The following TCF3 variants were observed in gnomAD, a reference collection of about 807,000 sequenced individuals.
TCF3 encodes transcription factor E2-alpha.
In TCF3, 54 loss-of-function variants were observed where a neutral mutation model predicts 72.3. That is an observed-to-expected ratio of 0.75 (90% CI 0.60 to 0.94). The LOEUF is 0.94. Ranked by LOEUF, TCF3 falls within the 40% of genes least tolerant of loss-of-function variation. The pLI is 0.00. For synonymous variants in TCF3, 525 were observed against 412.6 expected (o/e 1.27, Z -3.30); for missense variants, 1,078 against 934.4 (o/e 1.15, Z -2.00).
chr19:1,617,284 C>A (rs1025073897), intron 16 of TCF3, among the ~76,000 whole-genome samples: 2 of 152,208 alleles, frequency 1.3e-5, no homozygotes, highest in Admixed American at 6.5e-5. Context: ...GCCCCACGCC[C>A]GGGCCAGGGC....
At chr19:1,625,272 G>A (rs770741098) in intron 7 of TCF3, among the ~76,000 whole-genome samples, 14 of 152,214 alleles carry the variant, frequency 9.2e-5, no homozygotes, top group Non-Finnish European at 1.9e-4. Context: ...GAGGAGCCAC[G>A]ATGCAGCCCC....
intron 1 of TCF3, chr19:1,651,168 G>C (rs1264910436): frequency 4.3e-6 from 1 of 231,372 alleles, no homozygotes; most frequent in African/African-American, 2.2e-5. Context: ...TCCACCCCCA[G>C]AAAAAGGTAC....
chr19:1,621,239 C>G, intron 11 of TCF3, 48 bp from the exon 12 acceptor site: 3 of 1,518,202 alleles, frequency 2.0e-6, no homozygotes, highest in Non-Finnish European at 1.8e-6. Flanking sequence ...CTGGGTGCTG[C>G]CGCCGACGGC....
intron 3 of TCF3, among the ~76,000 whole-genome samples, chr19:1,643,047 T>G (rs983280466): frequency 2.0e-5 from 3 of 152,178 alleles, no homozygotes; most frequent in African/African-American, 7.2e-5. Context: ...CCTCAGAGCC[T>G]GTCTGTCTTG....
Position 1,638,570 on chromosome 19 carries a change from G to T in TCF3, c.146-6165C>A, listed in dbSNP as rs569611908. Among the ~76,000 whole-genome samples, 5 of 152,300 alleles carry T rather than the reference G, an allele frequency of 3.3e-5. No individual in the cohort carries two copies. In the East Asian group the frequency reaches 9.6e-4, roughly 29 times the overall value. ...TTTTAAAAGTAGCAATTTATTGGTA[G>T]CAAATACCAGCAGGGAAGAGAAATA... is the stretch of plus-strand genomic sequence containing the variant. On this transcript the variant is annotated intron_variant, in intron 3 of 18. Coordinates refer to ENST00000262965, the MANE Select transcript of TCF3 (RefSeq NM_003200.5).
intron 2 of TCF3, 59 bp downstream of exon 2, chr19:1,650,118 C>T (rs1363650223): frequency 4.7e-6 from 7 of 1,483,116 alleles, no homozygotes; most frequent in Non-Finnish European, 4.6e-6. Flanking sequence ...CCCTGAAAAC[C>T]TTCCCGTGAA....
chr19:1,632,110 T>A lies in TCF3; in HGVS notation c.226A>T (p.Ser76Cys), dbSNP rs368540785. The change falls in exon 5 of 19, where the codon AGC becomes TGC. Residue 76 changes from serine (S) to cysteine (C), a missense_variant. Ser to Cys is a moderately radical substitution (Grantham distance 112). Transcript: ENST00000262965. ...GACTCAGTGAAGTGGGTGCCCTCGC[T>A]GAAGGTCTAGGGGAGATGGGGTGGG... ...SSSFDPSRTFSEGTHFTESHS... is the reference protein window; with the variant it reads ...SSSFDPSRTFCEGTHFTESHS... 16 of 1,612,974 alleles carry A rather than the reference T, an allele frequency of 9.9e-6. No homozygotes were observed. Among genetic ancestry groups the A allele is most frequent in the Non-Finnish European group, 1.4e-5 (16 of 1,179,616 alleles).
At chr19:1,650,466 G>A in intron 1 of TCF3, 179 bp from the exon 2 acceptor site, 1 of 573,762 alleles carries the variant, frequency 1.7e-6, no homozygotes, top group Non-Finnish European at 3.1e-6. Context: ...AGGGAAGCTG[G>A]AATTCCAGAG....
chr19:1,624,981 G>A (rs1181507794), intron 7 of TCF3, among the ~76,000 whole-genome samples: 1 of 152,172 alleles, frequency 6.6e-6, no homozygotes, highest in African/African-American at 2.4e-5. Context: ...GAGTAGCTGG[G>A]ACCACAGGTG....
intron 7 of TCF3, among the ~76,000 whole-genome samples, chr19:1,624,221 C>T (rs1476874152): frequency 6.6e-6 from 1 of 152,166 alleles, no homozygotes; most frequent in Non-Finnish European, 1.5e-5. Flanking sequence ...CACAGTGAAA[C>T]CCCGTCTCTA....
chr19:1,647,122 C>T (rs1459054609), intron 2 of TCF3, among the ~76,000 whole-genome samples: 1 of 152,214 alleles, frequency 6.6e-6, no homozygotes, highest in Admixed American at 6.5e-5. Flanking sequence ...ACAGCTGATC[C>T]AGCTCCTGGG....
At chr19:1,620,845 C>G (rs1202347412) in intron 13 of TCF3, 123 bp downstream of exon 13, 22 of 1,024,196 alleles carry the variant, frequency 2.1e-5, no homozygotes, top group Non-Finnish European at 2.8e-5. Context: ...CTGCCTATCC[C>G]AGCAAGGTGC....
chr19:1,618,169 G>A (rs958339304), intron 16 of TCF3, among the ~76,000 whole-genome samples: 21 of 152,032 alleles, frequency 1.4e-4, no homozygotes, highest in African/African-American at 5.1e-4. Context: ...CCCAGCCCCA[G>A]TGTCACCCAC....
At position 1,610,599 on chromosome 19, in the gene TCF3, GCCC is replaced by G. The variant is rs2060912629; in HGVS notation, c.*1105_*1107del. On this transcript the variant is annotated 3_prime_UTR_variant, in exon 19 of 19. Coordinates refer to ENST00000262965, the MANE Select transcript of TCF3 (RefSeq NM_003200.5). ...CAGGGGTCACTGGTCCCAACAAAAT[GCCC>G]CATTTCAGAGAGCTGTGCAGGTTCC... is the stretch of plus-strand genomic sequence containing the variant. The G allele has an allele frequency of 1.3e-5, 3 of 231,360 alleles. No homozygotes were observed. The highest frequency in any genetic ancestry group is 2.6e-5 in the Non-Finnish European group (3 of 117,020). 14.3% of individuals were successfully genotyped at this position (231,360 alleles called of 1,614,324 possible).
At chr19:1,632,006 A>G (rs1214870161) in intron 5 of TCF3, 32 bp downstream of exon 5, 1 of 1,606,670 alleles carries the variant, frequency 6.2e-7, no homozygotes, top group Non-Finnish European at 8.5e-7. Context: ...ATCTGTGCAC[A>G]GCAGAGGGAC....
In TCF3 at chr19:1,622,112, G is replaced by C; in HGVS notation, c.764C>G (p.Pro255Arg). ...SPLPLPPGSGPVGSSGSSSTF... is the reference protein window; with the variant it reads ...SPLPLPPGSGRVGSSGSSSTF... ...GCTGCTGCTTCCACTGCTGCCCACC[G>C]GGCCGCTACCGGGCGGGAGGGGCAG... The change falls in exon 10 of 19, where the codon CCG becomes CGG. Residue 255 changes from proline (P) to arginine (R), a missense_variant. Pro to Arg is a moderately radical substitution (Grantham distance 103). Transcript: ENST00000262965. The C allele has an allele frequency of 6.2e-7, 1 of 1,600,796 alleles. No individual in the cohort carries two copies. Among genetic ancestry groups the C allele is most frequent in the Non-Finnish European group, 8.5e-7 (1 of 1,175,354 alleles).
chr19:1,624,828 T>C (rs1383771255), intron 7 of TCF3, among the ~76,000 whole-genome samples: 2 of 152,170 alleles, frequency 1.3e-5, no homozygotes, highest in Non-Finnish European at 2.9e-5. Flanking sequence ...TTTACGTTTT[T>C]GTGCTTTTTG....
intron 7 of TCF3, among the ~76,000 whole-genome samples, chr19:1,625,344 G>A (rs572696822): frequency 6.6e-5 from 10 of 152,340 alleles, no homozygotes; most frequent in South Asian, 4.1e-4. Flanking sequence ...CAGGAACCTC[G>A]GGACCAGAGG....
chr19:1,611,179 A>T lies in TCF3; in HGVS notation c.*528T>A. The T allele has an allele frequency of 4.0e-6, 1 of 247,710 alleles. No homozygotes were observed. Among genetic ancestry groups the T allele is most frequent in the Non-Finnish European group, 7.8e-6 (1 of 128,738 alleles). 15.3% of individuals were successfully genotyped at this position (247,710 alleles called of 1,614,324 possible). A position where few individuals can be genotyped will look rare whatever the true frequency, so the allele number is the denominator to read the frequency against. On this transcript the variant is annotated 3_prime_UTR_variant, in exon 19 of 19. Transcript: ENST00000262965. ...TAAGAAAAAAAAAATCTTGTAACTA[A>T]TGTTTTTATTTTCCTTAAAAAAAAT... is the stretch of plus-strand genomic sequence containing the variant.
Sources: allele counts gnomAD v4.1 joint callset (sites outside exome capture counted in the v4.1 genomes callset), GRCh38; gene constraint gnomAD v4.1.1; transcripts MANE v1.5; gene names NCBI Gene and HGNC (gene_info 2026-07-23, HGNC 2026-07-21).